The following KANSL1 variants were observed in gnomAD, a reference collection of about 807,000 sequenced individuals.
KANSL1 encodes KAT8 regulatory NSL complex subunit 1, also known as MLL1/MLL complex subunit KANSL1.
In KANSL1, 22 loss-of-function variants were observed where a neutral mutation model predicts 103.6. The observed-to-expected ratio is 0.21, with a 90% CI of 0.15 to 0.30. The LOEUF is 0.30. Ranked by LOEUF, KANSL1 falls within the 10% of genes least tolerant of loss-of-function variation. The probability of loss-of-function intolerance (pLI) is 1.00; values close to 1 mark genes in which losing one functional copy is unlikely to be tolerated. For synonymous variants in KANSL1, 600 were observed against 527.6 expected, an observed-to-expected ratio of 1.14 and a Z score of -1.88; for missense variants, 1,337 against 1,399.8, an observed-to-expected ratio of 0.96 and a Z score of 0.72.
At chr17:46,098,111 G>A (rs1436871919) in intron 2 of KANSL1, among the ~76,000 whole-genome samples, 1 of 149,852 alleles carries the variant, frequency 6.7e-6, no homozygotes, top group Non-Finnish European at 1.5e-5. Flanking sequence ...CTAAATCCAG[G>A]AAATGATCTC....
intron 2 of KANSL1, among the ~76,000 whole-genome samples, chr17:46,119,690 C>G (rs1343717465): frequency 6.6e-6 from 1 of 152,210 alleles, no homozygotes; most frequent in Admixed American, 6.5e-5. Flanking sequence ...CTAGCTCTTC[C>G]TCTAAACTTG....
chr17:46,207,368 G>C (rs2668669), intron 1 of KANSL1, among the ~76,000 whole-genome samples: 21,935 of 151,804 alleles, frequency 0.14, 2,164 homozygotes, highest in Middle Eastern at 0.22. Flanking sequence ...AAATTAGCTG[G>C]GCGTGGTGGT....
At chr17:46,161,422 CGA>C (rs1157089446) in intron 2 of KANSL1, among the ~76,000 whole-genome samples, 6 of 151,316 alleles carry the variant, frequency 4.0e-5, no homozygotes, top group Non-Finnish European at 8.8e-5. Flanking sequence ...GGCGACAGAG[CGA>C]GACTCTGTCT....
intron 1 of KANSL1, among the ~76,000 whole-genome samples, chr17:46,190,245 GAT>G (rs1464996839): frequency 2.0e-5 from 3 of 152,222 alleles, no homozygotes; most frequent in Non-Finnish European, 4.4e-5. Context: ...TTCTCACCTT[GAT>G]ATGAGTTCAC....
At chr17:46,210,495 A>G (rs371877218) in intron 1 of KANSL1, among the ~76,000 whole-genome samples, 43,452 of 67,596 alleles carry the variant, frequency 0.64, 13,545 homozygotes, top group South Asian at 0.84. Flanking sequence ...AAAAAAAAAA[A>G]AAAAAAAGAC....
chr17:46,064,053 T>TAAAAAAAAAAAAAAAAAAAAAAAA, intron 6 of KANSL1, among the ~76,000 whole-genome samples: 1 of 105,756 alleles, frequency 9.5e-6, no homozygotes, highest in Non-Finnish European at 1.9e-5. Context: ...CGACTATTAG[T>TAAAAAAAAAAAAAAAAAAAAAAAA]AAAAAAAAAA....
At chr17:46,077,387 G>A (rs1025488135) in intron 4 of KANSL1, among the ~76,000 whole-genome samples, 4 of 151,806 alleles carry the variant, frequency 2.6e-5, no homozygotes, top group African/African-American at 9.7e-5. Context: ...TTTCCTAATT[G>A]TAGACCAACA....
intron 1 of KANSL1, among the ~76,000 whole-genome samples, chr17:46,182,612 A>G (rs2046843924): frequency 6.6e-6 from 1 of 152,266 alleles, no homozygotes; most frequent in African/African-American, 2.4e-5. Context: ...GGTTATTACA[A>G]ATGTTGTTCA....
At chr17:46,129,345 A>G (rs1345067359) in intron 2 of KANSL1, among the ~76,000 whole-genome samples, 2 of 152,246 alleles carry the variant, frequency 1.3e-5, no homozygotes, top group Non-Finnish European at 2.9e-5. Context: ...AATAAAAAAG[A>G]GATCCATGTT....
rs1482089524 is a variant in KANSL1 at position 46,155,867 on chromosome 17, C to T, written c.1289+14988G>A. 9.9e-5 allele frequency among the ~76,000 whole-genome samples: 15 copies of T among 152,144 alleles called. No individual in the cohort carries two copies. The South Asian group carries it at 2.7e-3, about 27-fold the overall frequency. On this transcript the variant is annotated intron_variant, in intron 2 of 14. Transcript: ENST00000432791. ...AGGATTACTTAAGCCCAGGAGTCTT[C>T]GGCTGTAGTAAGCTATGATCACGCC...
At chr17:46,136,245 T>C (rs1171823971) in intron 2 of KANSL1, among the ~76,000 whole-genome samples, 2 of 152,218 alleles carry the variant, frequency 1.3e-5, no homozygotes, top group Admixed American at 6.5e-5. Context: ...TCCTAATCTA[T>C]ACATTCTTTA....
intron 4 of KANSL1, among the ~76,000 whole-genome samples, chr17:46,078,587 T>G (rs1383165577): frequency 2.0e-5 from 3 of 152,224 alleles, no homozygotes; most frequent in Non-Finnish European, 4.4e-5. Flanking sequence ...GCAGTGACTA[T>G]TGAATTCTAG....
At chr17:46,188,977 G>A (rs902928430) in intron 1 of KANSL1, among the ~76,000 whole-genome samples, 2 of 137,574 alleles carry the variant, frequency 1.5e-5, no homozygotes, top group Non-Finnish European at 3.0e-5. Context: ...AGGTTGCAGT[G>A]AGCCAAGATC....
intron 2 of KANSL1, among the ~76,000 whole-genome samples, chr17:46,125,981 C>A (rs2043538040): frequency 6.6e-6 from 1 of 152,186 alleles, no homozygotes. Context: ...AACACTATTA[C>A]ATATTAGAGA....
chr17:46,173,664 G>C (rs1315581455), intron 1 of KANSL1, among the ~76,000 whole-genome samples: 9 of 152,194 alleles, frequency 5.9e-5, no homozygotes, highest in Admixed American at 3.3e-4. Flanking sequence ...AAACAAAGGT[G>C]AACAAAACTG....
chr17:46,031,722 C>CT lies in KANSL1; in HGVS notation c.3091-20dup, dbSNP rs1243494119. The CT allele has an allele frequency of 3.8e-6, 6 of 1,576,756 alleles. No individual in the cohort carries two copies. Among genetic ancestry groups the CT allele is most frequent in the Non-Finnish European group, 5.2e-6 (6 of 1,154,212 alleles). The stretch of plus-strand genomic sequence containing the variant: ...GGACAGACTGTAGGCAGACAAGTTG[C>CT]TCTTTGAGGACCCAGTCCCAGCCAG... On this transcript the variant is annotated intron_variant, in intron 14 of 14. Transcript: ENST00000432791.
chr17:46,073,595 T>C (rs1295768042), intron 4 of KANSL1, among the ~76,000 whole-genome samples: 1 of 152,160 alleles, frequency 6.6e-6, no homozygotes, highest in Admixed American at 6.5e-5. Context: ...ATAGCTTTTT[T>C]AGAACCACAG....
chr17:46,147,731 T>C (rs117337145), intron 2 of KANSL1, among the ~76,000 whole-genome samples: 4 of 152,300 alleles, frequency 2.6e-5, no homozygotes, highest in Non-Finnish European at 5.9e-5. Flanking sequence ...TGGGTCAGCA[T>C]TGGAAGAAGT....
At chr17:46,184,462 G>C (rs1485747311) in intron 1 of KANSL1, among the ~76,000 whole-genome samples, 3 of 152,226 alleles carry the variant, frequency 2.0e-5, no homozygotes, top group African/African-American at 7.2e-5. Flanking sequence ...AAGAAAAAAG[G>C]AAAGGAGGGG....
Sources: allele counts gnomAD v4.1 joint callset (sites outside exome capture counted in the v4.1 genomes callset), GRCh38; gene constraint gnomAD v4.1.1; transcripts MANE v1.5; gene names NCBI Gene and HGNC (gene_info 2026-07-23, HGNC 2026-07-21).